The following C14orf93 variants were observed in gnomAD, a reference collection of about 807,000 sequenced individuals.
C14orf93 encodes the protein chromosome 14 open reading frame 93.
A neutral mutation model predicts 44.0 loss-of-function variants in C14orf93; 23 were observed. The observed-to-expected ratio is 0.52, with a 90% CI of 0.38 to 0.74. The LOEUF is 0.74. C14orf93 is among the 30% of genes least tolerant of loss of function. C14orf93 has a pLI of 0.00. For missense variants in C14orf93, 579 were observed against 678.9 expected (o/e 0.85, Z 1.64); for synonymous variants, 253 against 265.7 (o/e 0.95, Z 0.46).
chr14:23,001,887 G>A lies in C14orf93; in HGVS notation c.-379-2485C>T, dbSNP rs1358583124. Reference sequence around the variant, plus strand: ...AAAAAAGGGCTGGGCGGTGGCTCACGCCTGTAATCCCAGCACTTTGGGAGG... The same window carrying A: ...AAAAAAGGGCTGGGCGGTGGCTCACACCTGTAATCCCAGCACTTTGGGAGG... On this transcript the variant is annotated intron_variant, in intron 1 of 6. Transcript: ENST00000299088. Among the ~76,000 whole-genome samples the A allele has an allele frequency of 3.1e-5, 4 of 129,716 alleles. No individual in the cohort carries two copies. The South Asian group carries it at 8.2e-4, about 27-fold the overall frequency. The allele number at this position is 129,716 out of a possible 152,430, so 85.1% of individuals were successfully genotyped here.
rs768233107 is a variant in C14orf93, at chr14:22,996,199, G to T, written c.667C>A (p.Leu223Ile). ...RVLVPAYAKQ[L>I]SPATQLAIQR... ...ATTGCCAGTTGTGTGGCTGGTGAGA[G>T]TTGCTTGGCATAAGCAGGGACCAGA... Residue 223 changes from leucine (L) to isoleucine (I), a missense_variant, in exon 3 of 7, where the codon CTC (leucine) becomes ATC (isoleucine). Physicochemically the swap from Leu to Ile is conservative, Grantham distance 5. Coordinates refer to ENST00000299088, the MANE Select transcript of C14orf93 (RefSeq NM_021944.4). This position sits in a 1 kb window ranked among gnomAD's most constrained non-coding sequence, Gnocchi z 4.1. The T allele has an allele frequency of 1.9e-6, 3 of 1,612,334 alleles. No homozygotes were observed. The highest frequency in any genetic ancestry group is 2.5e-6 in the Non-Finnish European group (3 of 1,178,834).
rs538934878 is a variant in C14orf93, at chr14:22,989,219, C to T, written c.1084+523G>A. On this transcript the variant is annotated intron_variant, in intron 5 of 6. Transcript: ENST00000299088. The stretch of plus-strand genomic sequence containing the variant: ...TGTTGCCCATGCTAGTCTCGAACTC[C>T]TGGACTGAAATAATCCTCCTGCCCT... 2.0e-5 allele frequency among the ~76,000 whole-genome samples: 3 copies of T among 152,302 alleles called. No individual in the cohort carries two copies. The South Asian group carries it at 6.2e-4, about 32-fold the overall frequency.
Position 22,996,500 on chromosome 14 carries a change from G to A in C14orf93, c.598-232C>T, listed in dbSNP as rs1361390988. ...TTGTTACCATAGGGCTGCTCACAAG[G>A]AGAAAGCATGTTTCTGACACTGTTG... On this transcript the variant is annotated intron_variant, in intron 2 of 6. Transcript: ENST00000299088. The surrounding 1 kb of genome is among the most constrained non-coding windows in gnomAD (Gnocchi z 4.1). Among the ~76,000 whole-genome samples, 1 of 152,202 alleles carries A rather than the reference G, an allele frequency of 6.6e-6. No individual in the cohort carries two copies. Among genetic ancestry groups the A allele is most frequent in the Admixed American group, 6.5e-5 (1 of 15,284 alleles).
intron 1 of C14orf93, among the ~76,000 whole-genome samples, chr14:23,001,609 C>T (rs28539432): frequency 0.045 from 6,843 of 152,010 alleles, 499 homozygotes; most frequent in African/African-American, 0.15. Context: ...GGATCACAGA[C>T]ACGTGCCACC....
At chr14:22,998,122 A>C (rs1158137216) in intron 2 of C14orf93, 1 of 333,516 alleles carries the variant, frequency 3.0e-6, no homozygotes. Flanking sequence ...TCGCCAGGAG[A>C]GGCAGAGTCC....
At chr14:23,005,745 C>A (rs546213627) in intron 1 of C14orf93, 1 of 152,282 alleles carries the variant, frequency 6.6e-6, no homozygotes, top group African/African-American at 2.4e-5. Flanking sequence ...TAAAAATGTA[C>A]TTTCCAGTAC....
At chr14:23,000,905 G>C (rs1008299602) in intron 1 of C14orf93, 8 of 152,054 alleles carry the variant, frequency 5.3e-5, no homozygotes, top group Admixed American at 4.6e-4. Flanking sequence ...TCTTTAATTT[G>C]CTCTTTCCAC....
At position 22,987,466 on chromosome 14, in the gene C14orf93, A is replaced by C; in HGVS notation, c.1366T>G (p.Cys456Gly). 1 of 1,614,280 alleles carries C rather than the reference A, an allele frequency of 6.2e-7. No individual in the cohort carries two copies. The highest frequency in any genetic ancestry group is 8.5e-7 in the Non-Finnish European group (1 of 1,180,042). ...RFRAQRLTEL[C>G]YHLDANSKHG... The stretch of plus-strand genomic sequence containing the variant: ...TTAGAGTTAGCATCCAGGTGGTAGC[A>C]GAGCTCTGTGAGGCGCTGGGCCCGG... Residue 456 changes from cysteine to glycine, a missense_variant, in exon 7 of 7, where the codon TGC (cysteine) becomes GGC (glycine). Transcript: ENST00000299088. The surrounding 1 kb of genome is among the most constrained non-coding windows in gnomAD (Gnocchi z 5.6).
At chr14:23,006,942 A>T (rs1472734045) in intron 1 of C14orf93, 3 of 152,242 alleles carry the variant, frequency 2.0e-5, no homozygotes, top group Non-Finnish European at 4.4e-5. Context: ...GTCACCGGGG[A>T]GGGTAGACTA....
At chr14:23,000,527 C>T (rs2046234094) in intron 1 of C14orf93, among the ~76,000 whole-genome samples, 1 of 151,998 alleles carries the variant, frequency 6.6e-6, no homozygotes, top group Non-Finnish European at 1.5e-5. Context: ...ACCAGCCTGA[C>T]TAACATGGTG....
At position 23,003,885 on chromosome 14, in the gene C14orf93, TATATATATATATA is replaced by T. The variant is rs1481322549; in HGVS notation, c.-379-4496_-379-4484del. Among the ~76,000 whole-genome samples the T allele has an allele frequency of 5.6e-3, 97 of 17,316 alleles. 1 individual carries two copies. The highest frequency in any genetic ancestry group is 6.6e-3 in the East Asian group (4 of 604). 11.4% of individuals were successfully genotyped at this position (17,316 alleles called of 152,430 possible). ...ATATATATATATATATATATATATA[TATATATATATATA>T]TTTTTTTTTTTTTTTTTTTTTTTTT... On this transcript the variant is annotated intron_variant, in intron 1 of 6. Transcript: ENST00000299088.
intron 1 of C14orf93, chr14:23,006,329 C>A (rs1244053797): frequency 6.6e-6 from 1 of 152,164 alleles, no homozygotes; most frequent in Non-Finnish European, 1.5e-5. Context: ...TATTTTCCCA[C>A]ATTTTAAAAG....
chr14:23,004,274 G>C (rs567452671), intron 1 of C14orf93, among the ~76,000 whole-genome samples: 3 of 150,624 alleles, frequency 2.0e-5, no homozygotes, highest in African/African-American at 7.3e-5. Context: ...GCAGTGGCAC[G>C]ATTTCGGCTC....
At chr14:22,995,083 TC>T (rs1237790672) in intron 3 of C14orf93, among the ~76,000 whole-genome samples, 2 of 152,210 alleles carry the variant, frequency 1.3e-5, no homozygotes, top group African/African-American at 4.8e-5. Flanking sequence ...AGCAGGATGT[TC>T]TTTGGGCTCC....
rs17851131 is a variant in C14orf93, at chr14:22,987,919, C to G, written c.1181G>C (p.Arg394Pro). 6.2e-7 allele frequency: 1 copy of G among 1,613,494 alleles called. No individual in the cohort carries two copies. Among genetic ancestry groups the G allele is most frequent in the East Asian group, 2.2e-5 (1 of 44,882 alleles). ...GLKEKEEKKL[R>P]SRRYRLFANR... ...GAAACCTACCCGATATCGGCGACTT[C>G]GAAGTTTCTTCTCCTCTTTTTCCTT... Residue 394 changes from arginine (R) to proline (P), a missense_variant, in exon 6 of 7, where the codon CGA becomes CCA. Arg to Pro is a moderately radical substitution (Grantham distance 103). Coordinates refer to ENST00000299088, the MANE Select transcript of C14orf93 (RefSeq NM_021944.4). This position sits in a 1 kb window ranked among gnomAD's most constrained non-coding sequence, Gnocchi z 5.6.
chr14:23,002,019 G>A lies in C14orf93; in HGVS notation c.-379-2617C>T, dbSNP rs531366568. On this transcript the variant is annotated intron_variant, in intron 1 of 6. Transcript: ENST00000299088. ...AACAAATTAGCCGGGCGTGGTGGCGGGCGACTGTAGTCCCAGCTACTCTGG... is the reference window on the plus strand; with the variant it reads ...AACAAATTAGCCGGGCGTGGTGGCGAGCGACTGTAGTCCCAGCTACTCTGG... Among the ~76,000 whole-genome samples, 24 of 151,072 alleles carry A rather than the reference G, an allele frequency of 1.6e-4. No homozygotes were observed. The South Asian group carries it at 4.6e-3, about 29-fold the overall frequency.
chr14:23,004,965 A>T (rs982527390), intron 1 of C14orf93: 1 of 152,220 alleles, frequency 6.6e-6, no homozygotes, highest in African/African-American at 2.4e-5. Flanking sequence ...AATACACACA[A>T]GTCCTAATAA....
intron 1 of C14orf93, chr14:23,005,940 T>C (rs1470389654): frequency 6.6e-6 from 1 of 152,180 alleles, no homozygotes; most frequent in African/African-American, 2.4e-5. Context: ...CATTCTGAGT[T>C]TGAATTTTCT....
intron 1 of C14orf93, among the ~76,000 whole-genome samples, chr14:23,007,378 T>A (rs2046680249): frequency 6.6e-6 from 1 of 152,202 alleles, no homozygotes; most frequent in South Asian, 2.1e-4. Context: ...TTGCTTTTGT[T>A]CTCTGCTGCT....
Sources: gnomAD v4.1 joint callset for allele counts (sites outside exome capture counted in the v4.1 genomes callset) on GRCh38, gnomAD v4.1.1 for gene constraint, Gnocchi (gnomAD v3.1) non-coding constraint, MANE v1.5 for transcripts, NCBI Gene and HGNC (gene_info 2026-07-23, HGNC 2026-07-21) for gene names.